The following CTBP2 variants were observed in gnomAD, a reference collection of about 807,000 sequenced individuals.
CTBP2 encodes C-terminal-binding protein 2.
CTBP2 carries 30 observed loss-of-function variants against 80.3 expected under a neutral mutation model. That is an observed-to-expected ratio of 0.37 (90% confidence interval 0.28 to 0.51). The LOEUF is 0.51. Ranked by LOEUF, CTBP2 falls within the 20% of genes least tolerant of loss-of-function variation. CTBP2 has a pLI of 0.93. For missense variants in CTBP2, 1,212 were observed against 1,375.3 expected (o/e 0.88, Z 1.88); for synonymous variants, 594 against 587.4 (o/e 1.01, Z -0.16).
intron 1 of CTBP2, among the ~76,000 whole-genome samples, chr10:125,147,751 G>C (rs1342143748): frequency 6.6e-6 from 1 of 152,098 alleles, no homozygotes; most frequent in Non-Finnish European, 1.5e-5. Flanking sequence ...ACAGAAACTA[G>C]CCAGGTGTGG....
At chr10:124,993,740 T>C in intron 6 of CTBP2, 115 bp downstream of exon 8, 1 of 1,266,222 alleles carries the variant, frequency 7.9e-7, no homozygotes. Flanking sequence ...ATGTCATCTC[T>C]GGAGTTTCCT....
At chr10:125,065,145 CTG>C (rs1415924799) in intron 2 of CTBP2, among the ~76,000 whole-genome samples, 3 of 152,196 alleles carry the variant, frequency 2.0e-5, no homozygotes, top group Non-Finnish European at 2.9e-5. Flanking sequence ...TGCACAAAAA[CTG>C]TGGTTGCGGA....
chr10:125,071,573 A>C (rs1381263956), intron 2 of CTBP2, among the ~76,000 whole-genome samples: 1 of 152,196 alleles, frequency 6.6e-6, no homozygotes, highest in African/African-American at 2.4e-5. Flanking sequence ...ACAAGATGCA[A>C]ATTAAAACAG....
Position 124,994,037 on chromosome 10 carries a change from T to C in CTBP2, c.2401-52A>G, listed in dbSNP as rs775861750. The C allele has an allele frequency of 3.9e-5, 63 of 1,605,376 alleles. No homozygotes were observed. The African/African-American group carries it at 7.5e-4, about 19-fold the overall frequency. ...CAGGCACACTGGCATGGTGGAAGAC[T>C]CTTGTACCAAGGTTTAAAGAAGAAA... On this transcript the variant is annotated intron_variant, in intron 5 of 8. Coordinates refer to ENST00000309035, the MANE Select transcript of CTBP2 (RefSeq NM_022802.3).
chr10:125,026,337 C>A lies in CTBP2; in HGVS notation c.1423G>T (p.Gly475Cys). The A allele has an allele frequency of 6.2e-7, 1 of 1,613,832 alleles. No individual in the cohort carries two copies. Among genetic ancestry groups the A allele is most frequent in the Non-Finnish European group, 8.5e-7 (1 of 1,179,954 alleles). The stretch of plus-strand genomic sequence containing the variant: ...GCCGTGGAGTAGGCTGTTCTGGGGC[C>A]TGGGTGAAGGGGGTTTGAGGGGCCC... The change falls in exon 1 of 9, where the codon GGC becomes TGC. Residue 475 changes from glycine (G) to cysteine (C), a missense_variant. By Grantham distance (159) the Gly-to-Cys change is radical. This residue lies in a region of CTBP2 where 848 missense variants were observed against 782.3 expected (regional missense o/e 1.08). Transcript: ENST00000309035.
rs1441816976 is a variant in CTBP2 at position 125,066,654 on chromosome 10, A to G, written c.-101-27499T>C. ...AGAAGCCAGGGAGCACAGTGCACCA[A>G]CCTTCAGTGTAATCTCCAGTCCTGC... On this transcript the variant is annotated intron_variant, in intron 2 of 10. Transcript: ENST00000337195. The surrounding 1 kb of genome is among the most constrained non-coding windows in gnomAD (Gnocchi z 4.1). Among the ~76,000 whole-genome samples the G allele has an allele frequency of 6.6e-6, 1 of 152,026 alleles. No homozygotes were observed. Among genetic ancestry groups the G allele is most frequent in the African/African-American group, 2.4e-5 (1 of 41,368 alleles).
intron 4 of CTBP2, chr10:124,997,406 C>T (rs112073554): frequency 0.012 from 1,963 of 158,096 alleles, 37 homozygotes; most frequent in African/African-American, 0.044. Context: ...TCCGTGGCAC[C>T]GGCCCCTACC....
intron 1 of CTBP2, among the ~76,000 whole-genome samples, chr10:125,016,635 CAA>C (rs1590090047): frequency 6.6e-6 from 1 of 152,332 alleles, no homozygotes; most frequent in East Asian, 1.9e-4. Flanking sequence ...TCCTAAAACC[CAA>C]GAGGAAAGTG....
intron 2 of CTBP2, among the ~76,000 whole-genome samples, chr10:125,105,556 C>A (rs1382060492): frequency 6.6e-6 from 1 of 152,192 alleles, no homozygotes; most frequent in African/African-American, 2.4e-5. Flanking sequence ...GCTGGGGGAG[C>A]TGCTCTAAGT....
intron 3 of CTBP2, 32 bp downstream of exon 3, chr10:125,038,965 T>C (rs767289256): frequency 1.9e-6 from 3 of 1,609,278 alleles, no homozygotes; most frequent in South Asian, 2.2e-5. Flanking sequence ...GGACTACGTA[T>C]GTTTGGTAAA....
At chr10:125,101,152 C>A (rs1046019608) in intron 2 of CTBP2, among the ~76,000 whole-genome samples, 1 of 152,202 alleles carries the variant, frequency 6.6e-6, no homozygotes, top group East Asian at 1.9e-4. Context: ...TGTTACAAAT[C>A]GGCATTTTTA....
intron 3 of CTBP2, among the ~76,000 whole-genome samples, chr10:125,034,300 C>T (rs1398221220): frequency 6.6e-6 from 1 of 152,134 alleles, no homozygotes; most frequent in Non-Finnish European, 1.5e-5. Flanking sequence ...CTCTTAAAGC[C>T]GGGGACAGAT....
chr10:125,004,897 A>G (rs2134302273), intron 1 of CTBP2, among the ~76,000 whole-genome samples: 1 of 152,304 alleles, frequency 6.6e-6, no homozygotes, highest in Middle Eastern at 3.4e-3. Context: ...GGCCAACTTC[A>G]TCTGTGTGGC....
At chr10:125,116,267 A>G (rs1299620572) in intron 1 of CTBP2, among the ~76,000 whole-genome samples, 3 of 152,220 alleles carry the variant, frequency 2.0e-5, no homozygotes, top group Non-Finnish European at 4.4e-5. Flanking sequence ...AGAGACGGGT[A>G]GTGTGCAGGT....
At chr10:125,143,175 A>T (rs1446866112) in intron 1 of CTBP2, among the ~76,000 whole-genome samples, 1 of 152,164 alleles carries the variant, frequency 6.6e-6, no homozygotes, top group East Asian at 1.9e-4. Flanking sequence ...TTCCACAGGC[A>T]ATGTTCAGAA....
intron 8 of CTBP2, among the ~76,000 whole-genome samples, chr10:124,992,089 C>T (rs1283649453): frequency 6.6e-6 from 1 of 152,122 alleles, no homozygotes; most frequent in Non-Finnish European, 1.5e-5. Context: ...TTGTACTATC[C>T]TGAGTTGACT....
chr10:124,986,323 AGT>A lies in CTBP2; in HGVS notation c.*3193_*3194del, dbSNP rs1491359292. ...CACACACACACACACACACACACAC[AGT>A]TTTTTCCTTCCCTGTGATGAAAAAG... is the stretch of plus-strand genomic sequence containing the variant. On this transcript the variant is annotated 3_prime_UTR_variant, in exon 9 of 9. Transcript: ENST00000309035. The A allele has an allele frequency of 1.3e-5, 2 of 151,880 alleles. No homozygotes were observed. The highest frequency in any genetic ancestry group is 2.9e-5 in the Non-Finnish European group (2 of 67,916). 9.4% of individuals were successfully genotyped at this position (151,880 alleles called of 1,614,324 possible).
intron 2 of CTBP2, among the ~76,000 whole-genome samples, chr10:125,086,810 G>A (rs1375783322): frequency 6.6e-6 from 1 of 152,056 alleles, no homozygotes; most frequent in East Asian, 1.9e-4. Flanking sequence ...TGTTATAGTA[G>A]CCAAAGCAGA....
intron 1 of CTBP2, among the ~76,000 whole-genome samples, chr10:125,119,313 A>G (rs1160573623): frequency 6.6e-6 from 1 of 151,860 alleles, no homozygotes; most frequent in Non-Finnish European, 1.5e-5. Context: ...TGTGACCCCC[A>G]CTCCCACTGC....
Sources: allele counts gnomAD v4.1 joint callset (sites outside exome capture counted in the v4.1 genomes callset), GRCh38; gene constraint gnomAD v4.1.1; regional missense constraint gnomAD v4.1.1; non-coding constraint Gnocchi (gnomAD v3.1); transcripts MANE v1.5; gene names NCBI Gene and HGNC (gene_info 2026-07-23, HGNC 2026-07-21).